The following MND1 variants were observed in gnomAD, a reference collection of about 807,000 sequenced individuals.
MND1 encodes meiotic nuclear division protein 1 homolog.
MND1 carries 28 observed loss-of-function variants against 35.1 expected under a neutral mutation model. The observed-to-expected ratio is 0.80, with a 90% CI of 0.59 to 1.09. The LOEUF (loss-of-function observed/expected upper bound fraction) is 1.09. MND1 is among the 50% of genes least tolerant of loss of function. The pLI is 0.00. For synonymous variants in MND1, 69 were observed against 70.5 expected, an observed-to-expected ratio of 0.98 and a Z score of 0.11; for missense variants, 213 against 239.6, an observed-to-expected ratio of 0.89 and a Z score of 0.73.
intron 4 of MND1, among the ~76,000 whole-genome samples, chr4:153,369,370 G>A (rs1415756589): frequency 6.6e-6 from 1 of 152,142 alleles, no homozygotes; most frequent in Non-Finnish European, 1.5e-5. Context: ...ACTCAAGAGA[G>A]GAGATTACAC....
chr4:153,386,823 C>T (rs1261781396), intron 4 of MND1, among the ~76,000 whole-genome samples: 1 of 152,022 alleles, frequency 6.6e-6, no homozygotes, highest in African/African-American at 2.4e-5. Flanking sequence ...AAGTATAATC[C>T]CCTACATGTT....
chr4:153,349,600 A>G (rs1773161981), intron 1 of MND1, among the ~76,000 whole-genome samples: 1 of 152,190 alleles, frequency 6.6e-6, no homozygotes. Flanking sequence ...GGTCTCCCCA[A>G]GATGTGCTTC....
rs1729139000 is a variant in MND1 at position 153,394,294 on chromosome 4, A to G, written c.309A>G (p.Leu103=). Reference sequence around the variant, plus strand: ...AGGGAAGTCAAAAGCATGCAAGCCTACAGAAAAGCATTGAGAAAGCTAAAA... The same window carrying G: ...AGGGAAGTCAAAAGCATGCAAGCCTGCAGAAAAGCATTGAGAAAGCTAAAA... The part of the protein sequence containing the change: ...LSEGSQKHAS[L]QKSIEKAKIG... The change falls in exon 5 of 8, where the codon CTA becomes CTG. Residue 103 remains leucine, a synonymous_variant. Transcript: ENST00000240488. 3.7e-6 allele frequency: 6 copies of G among 1,612,716 alleles called. No individual in the cohort carries two copies. Among genetic ancestry groups the G allele is most frequent in the Non-Finnish European group, 5.1e-6 (6 of 1,179,168 alleles).
chr4:153,404,489 CTT>C (rs1195445723), intron 6 of MND1, among the ~76,000 whole-genome samples: 3 of 137,064 alleles, frequency 2.2e-5, no homozygotes, highest in Non-Finnish European at 1.6e-5. Flanking sequence ...TGTGCACGGC[CTT>C]TTTTTTTTTG....
intron 6 of MND1, among the ~76,000 whole-genome samples, chr4:153,401,280 C>T (rs564745611): frequency 7.6e-4 from 116 of 152,074 alleles, no homozygotes; most frequent in Non-Finnish European, 1.2e-3. Context: ...AAAATGGCAT[C>T]TGAGCCTTAA....
rs34815482 is a variant in MND1, at chr4:153,399,890, ATTTTTTTTTTTT to A, written c.466+2574_466+2585del. Among the ~76,000 whole-genome samples the A allele has an allele frequency of 1.8e-4, 13 of 71,146 alleles. 1 individual carries two copies. Among genetic ancestry groups the A allele is most frequent in the African/African-American group, 2.6e-4 (4 of 15,122 alleles). 46.7% of individuals were successfully genotyped at this position (71,146 alleles called of 152,430 possible). The stretch of plus-strand genomic sequence containing the variant: ...TGAAATTTTCTGTTTTTTCAGTGAG[ATTTTTTTTTTTT>A]TTTTTTTTTTTTTTTTGGAGACAGG... On this transcript the variant is annotated intron_variant, in intron 6 of 7. Coordinates refer to ENST00000240488, the MANE Select transcript of MND1 (RefSeq NM_032117.4).
intron 6 of MND1, among the ~76,000 whole-genome samples, chr4:153,401,724 C>T (rs1729352276): frequency 6.6e-6 from 1 of 152,164 alleles, no homozygotes; most frequent in Non-Finnish European, 1.5e-5. Context: ...ATTGCTCAGG[C>T]TTATCTCTAA....
At chr4:153,355,506 C>A in intron 2 of MND1, 148 bp from the exon 3 acceptor site, 1 of 559,068 alleles carries the variant, frequency 1.8e-6, no homozygotes, top group South Asian at 2.2e-5. Context: ...TTCATCATAA[C>A]ACATTGTATA....
intron 6 of MND1, among the ~76,000 whole-genome samples, chr4:153,405,117 T>C (rs1214254678): frequency 6.6e-6 from 1 of 152,146 alleles, no homozygotes; most frequent in Non-Finnish European, 1.5e-5. Flanking sequence ...AGCTGCTTTT[T>C]TGCAGAAATT....
chr4:153,383,254 A>G (rs1336822958), intron 4 of MND1, among the ~76,000 whole-genome samples: 1 of 152,234 alleles, frequency 6.6e-6, no homozygotes, highest in Non-Finnish European at 1.5e-5. Context: ...GAGTCTGTGT[A>G]CTATGAATCT....
chr4:153,366,877 CAGAG>C (rs1296158338), intron 4 of MND1, among the ~76,000 whole-genome samples: 1 of 152,184 alleles, frequency 6.6e-6, no homozygotes, highest in Non-Finnish European at 1.5e-5. Context: ...AACTGAGACA[CAGAG>C]AGATTAAGAG....
chr4:153,363,572 A>AGATG (rs906157663), intron 4 of MND1, among the ~76,000 whole-genome samples: 22 of 152,302 alleles, frequency 1.4e-4, no homozygotes, highest in South Asian at 6.2e-4. Flanking sequence ...GAGTAACAGA[A>AGATG]GATGTGCTGG....
At chr4:153,406,871 A>G (rs1040957027) in intron 6 of MND1, among the ~76,000 whole-genome samples, 35 of 152,270 alleles carry the variant, frequency 2.3e-4, no homozygotes, top group African/African-American at 8.4e-4. Context: ...TTACGGTGCC[A>G]CGTATTTGGG....
At chr4:153,355,054 C>T (rs1197994677) in intron 2 of MND1, among the ~76,000 whole-genome samples, 2 of 152,054 alleles carry the variant, frequency 1.3e-5, no homozygotes, top group African/African-American at 2.4e-5. Context: ...GTCCCAGCTA[C>T]TCAGGAGGCT....
At chr4:153,377,316 A>G (rs1728538393) in intron 4 of MND1, among the ~76,000 whole-genome samples, 1 of 152,228 alleles carries the variant, frequency 6.6e-6, no homozygotes, top group Non-Finnish European at 1.5e-5. Flanking sequence ...AATTTTTAGA[A>G]GTGAATATAT....
At chr4:153,362,856 T>C in intron 4 of MND1, 2 of 280,606 alleles carry the variant, frequency 7.1e-6, no homozygotes, top group Non-Finnish European at 1.1e-5. Flanking sequence ...TTAGTAGTTA[T>C]GGACCAATTT....
chr4:153,372,778 A>T (rs963729735), intron 4 of MND1, among the ~76,000 whole-genome samples: 2 of 152,108 alleles, frequency 1.3e-5, no homozygotes. Context: ...AGATTTACCC[A>T]TGTTGCTTTA....
chr4:153,370,560 T>C (rs1420463879), intron 4 of MND1, among the ~76,000 whole-genome samples: 4 of 151,902 alleles, frequency 2.6e-5, no homozygotes, highest in African/African-American at 9.7e-5. Context: ...CACTCTGTCA[T>C]CCAGGCTGGA....
At chr4:153,395,257 ACTT>A (rs1729166763) in intron 5 of MND1, among the ~76,000 whole-genome samples, 1 of 152,220 alleles carries the variant, frequency 6.6e-6, no homozygotes, top group African/African-American at 2.4e-5. Flanking sequence ...AGCAACTACT[ACTT>A]CTTTATTTGT....
Sources: gnomAD v4.1 joint callset for allele counts (sites outside exome capture counted in the v4.1 genomes callset) on GRCh38, gnomAD v4.1.1 for gene constraint, MANE v1.5 for transcripts, NCBI Gene and HGNC (gene_info 2026-07-23, HGNC 2026-07-21) for gene names.